PROSER2: variants seen among roughly 807,000 people sequenced by gnomAD.
PROSER2 encodes the protein proline and serine-rich protein 2.
In PROSER2, 18 loss-of-function variants were observed where a neutral mutation model predicts 14.6. The observed-to-expected ratio is 1.23, with a 90% CI of 0.85 to 1.83. The LOEUF is 1.83. Ranked by LOEUF, PROSER2 falls within the 40% of genes most tolerant of loss-of-function variation. PROSER2 has a pLI of 0.00. For missense variants in PROSER2, 823 were observed against 629.8 expected, an observed-to-expected ratio of 1.31 and a Z score of -3.28; for synonymous variants, 367 against 286.4, an observed-to-expected ratio of 1.28 and a Z score of -2.84.
intron 1 of PROSER2, among the ~76,000 whole-genome samples, chr10:11,826,338 T>C (rs1314511057): frequency 6.6e-6 from 1 of 152,204 alleles, no homozygotes; most frequent in African/African-American, 2.4e-5. Context: ...CTATGAACCG[T>C]TGTGTACAAG....
intron 1 of PROSER2, among the ~76,000 whole-genome samples, chr10:11,832,286 G>A (rs986536510): frequency 6.6e-6 from 1 of 152,178 alleles, no homozygotes; most frequent in Non-Finnish European, 1.5e-5. Flanking sequence ...TATAGTCCTC[G>A]TTTGCTTAGG....
Position 11,837,356 on chromosome 10 carries a change from A to T in PROSER2, c.-82+13886A>T, listed in dbSNP as rs1285308919. Reference sequence around the variant, plus strand: ...ACGTTCAAGTTATGACCACTGTGTGACAAGTGCTTAGGGACATTTGTAGGT... The same window carrying T: ...ACGTTCAAGTTATGACCACTGTGTGTCAAGTGCTTAGGGACATTTGTAGGT... On this transcript the variant is annotated intron_variant, in intron 1 of 3. Coordinates refer to ENST00000277570, the MANE Select transcript of PROSER2 (RefSeq NM_153256.4). The surrounding 1 kb of genome is among the most constrained non-coding windows in gnomAD (Gnocchi z 4.6). Among the ~76,000 whole-genome samples the T allele has an allele frequency of 6.6e-6, 1 of 152,246 alleles. No homozygotes were observed. The highest frequency in any genetic ancestry group is 1.5e-5 in the Non-Finnish European group (1 of 68,050).
chr10:11,870,432 C>G lies in PROSER2; in HGVS notation c.*26C>G, dbSNP rs12253600. ...GGGCCGCGCGGGCTCCAGTCCACCC[C>G]GTTTCTCCCCACCCTGAAGAGAGGG... On this transcript the variant is annotated 3_prime_UTR_variant, in exon 4 of 4. Transcript: ENST00000277570. The G allele has an allele frequency of 1.4e-6, 2 of 1,440,474 alleles. No homozygotes were observed. Among genetic ancestry groups the G allele is most frequent in the East Asian group, 5.9e-5 (2 of 34,040 alleles). The allele number at this position is 1,440,474 out of a possible 1,614,324, so 89.2% of individuals were successfully genotyped here.
chr10:11,869,351 G>A lies in PROSER2; in HGVS notation c.392-139G>A, dbSNP rs1050844641. The A allele has an allele frequency of 3.1e-6, 2 of 652,008 alleles. No homozygotes were observed. The highest frequency in any genetic ancestry group is 5.6e-6 in the Non-Finnish European group (2 of 358,766). 40.4% of individuals were successfully genotyped at this position (652,008 alleles called of 1,614,324 possible). On this transcript the variant is annotated intron_variant, in intron 3 of 3. Coordinates refer to ENST00000277570, the MANE Select transcript of PROSER2 (RefSeq NM_153256.4). The surrounding 1 kb of genome is among the most constrained non-coding windows in gnomAD (Gnocchi z 4.4). ...TTCCCTAGTCCCAGGAACAGGGAGAGAGGAGTTGACTCACAGGCAGCACCG... is the reference window on the plus strand; with the variant it reads ...TTCCCTAGTCCCAGGAACAGGGAGAAAGGAGTTGACTCACAGGCAGCACCG...
intron 1 of PROSER2, among the ~76,000 whole-genome samples, chr10:11,825,666 A>G (rs560107769): frequency 1.2e-3 from 176 of 152,344 alleles, no homozygotes; most frequent in South Asian, 2.5e-3. Context: ...GACTGGCAGC[A>G]TTCATCTTGA....
chr10:11,854,028 C>T (rs554896976), intron 2 of PROSER2, among the ~76,000 whole-genome samples: 4 of 152,208 alleles, frequency 2.6e-5, no homozygotes, highest in Admixed American at 6.5e-5. Context: ...ACTCATAGGA[C>T]GCCTATAATT....
intron 2 of PROSER2, among the ~76,000 whole-genome samples, chr10:11,864,592 CT>C (rs533338162): frequency 0.034 from 4,803 of 139,576 alleles, 77 homozygotes; most frequent in Non-Finnish European, 0.052. Context: ...TTTTTTTTTT[CT>C]TTTTTTTTTT....
Position 11,871,846 on chromosome 10 carries a change from C to T in PROSER2, c.*1440C>T, listed in dbSNP as rs775429675. On this transcript the variant is annotated 3_prime_UTR_variant, in exon 4 of 4. Coordinates refer to ENST00000277570, the MANE Select transcript of PROSER2 (RefSeq NM_153256.4). ...TAAATGTGCTATGAAGGGCATTTTT[C>T]ATAGTATCCCATTTGCCTTGTAAGT... 3 of 152,218 alleles carry T rather than the reference C, an allele frequency of 2.0e-5. No individual in the cohort carries two copies. The highest frequency in any genetic ancestry group is 4.4e-5 in the Non-Finnish European group (3 of 68,022). The allele number at this position is 152,218 out of a possible 1,614,324, so 9.4% of individuals were successfully genotyped here.
Position 11,851,980 on chromosome 10 carries a change from G to A in PROSER2, c.-81-17G>A, listed in dbSNP as rs1183720692. The A allele has an allele frequency of 1.1e-5, 14 of 1,288,436 alleles. No individual in the cohort carries two copies. Among genetic ancestry groups the A allele is most frequent in the East Asian group, 2.7e-5 (1 of 37,026 alleles). The allele number at this position is 1,288,436 out of a possible 1,614,324, so 79.8% of individuals were successfully genotyped here. A position where few individuals can be genotyped will look rare whatever the true frequency, so the allele number is the denominator to read the frequency against. ...CTCGGCTTACTGACCATTGTCATTC[G>A]TGTTTGGTGTCTCTAGGAGTGAGCT... On this transcript the variant is annotated splice_polypyrimidine_tract_variant and intron_variant, in intron 1 of 3. Transcript: ENST00000277570.
intron 1 of PROSER2, among the ~76,000 whole-genome samples, chr10:11,826,360 A>T (rs931588733): frequency 5.3e-5 from 8 of 152,040 alleles, no homozygotes; most frequent in African/African-American, 1.9e-4. Flanking sequence ...TTTTGTTTGA[A>T]CACCTGTTGT....
chr10:11,829,660 T>C (rs1295819513), intron 1 of PROSER2, among the ~76,000 whole-genome samples: 1 of 151,912 alleles, frequency 6.6e-6, no homozygotes, highest in Non-Finnish European at 1.5e-5. Context: ...TTAGAGGCGC[T>C]GTACCGTGGT....
At chr10:11,850,163 T>G (rs10906026) in intron 1 of PROSER2, 1 of 152,172 alleles carries the variant, frequency 6.6e-6, no homozygotes. Flanking sequence ...TGGATACAAC[T>G]GACGTCGTAA....
chr10:11,842,399 T>A (rs1833857089), intron 1 of PROSER2, among the ~76,000 whole-genome samples: 1 of 152,166 alleles, frequency 6.6e-6, no homozygotes, highest in Non-Finnish European at 1.5e-5. Flanking sequence ...ATCTTTCATT[T>A]ATCCCCTCCT....
chr10:11,854,050 A>G (rs1834078664), intron 2 of PROSER2, among the ~76,000 whole-genome samples: 1 of 152,178 alleles, frequency 6.6e-6, no homozygotes, highest in Admixed American at 6.5e-5. Flanking sequence ...AGTTACGTCT[A>G]CATGGTGTGT....
rs919613660 is a variant in PROSER2 at position 11,862,836 on chromosome 10, AAGCTC to A, written c.139-3693_139-3689del. 182 of 152,324 alleles carry A rather than the reference AAGCTC, an allele frequency of 1.2e-3. 2 individuals are homozygous for A. The highest frequency in any genetic ancestry group is 0.012 in the Admixed American group (179 of 15,302). The allele number at this position is 152,324 out of a possible 1,614,324, so 9.4% of individuals were successfully genotyped here. On this transcript the variant is annotated intron_variant, in intron 2 of 3. Coordinates refer to ENST00000277570, the MANE Select transcript of PROSER2 (RefSeq NM_153256.4). This position sits in a 1 kb window ranked among gnomAD's most constrained non-coding sequence, Gnocchi z 4.2. ...ACTCACCTGTATTATGGAGAAAAAA[AAGCTC>A]AACATCATTAGTCTTCGTGGAAATG...
chr10:11,834,830 C>T (rs1230418195), intron 1 of PROSER2, among the ~76,000 whole-genome samples: 1 of 151,782 alleles, frequency 6.6e-6, no homozygotes, highest in East Asian at 2.0e-4. Context: ...AGGCTGGGCG[C>T]AGTGGCTCAC....
intron 1 of PROSER2, among the ~76,000 whole-genome samples, chr10:11,840,788 G>C (rs1833825849): frequency 6.6e-6 from 1 of 151,332 alleles, no homozygotes. Flanking sequence ...AGCTGGGCGT[G>C]GTGGCTCATG....
intron 2 of PROSER2, among the ~76,000 whole-genome samples, chr10:11,859,743 C>T (rs1054794034): frequency 1.3e-5 from 2 of 152,212 alleles, no homozygotes. Flanking sequence ...TATCGGGATA[C>T]AAGTCACATA....
chr10:11,868,728 G>GCAAC (rs2131097159), intron 3 of PROSER2, among the ~76,000 whole-genome samples: 1 of 152,272 alleles, frequency 6.6e-6, no homozygotes, highest in Admixed American at 6.5e-5. Flanking sequence ...TCAGCTCACT[G>GCAAC]CAACCTCCAC....
Sources: gnomAD v4.1 joint callset for allele counts (sites outside exome capture counted in the v4.1 genomes callset) on GRCh38, gnomAD v4.1.1 for gene constraint, Gnocchi (gnomAD v3.1) non-coding constraint, MANE v1.5 for transcripts, NCBI Gene and HGNC (gene_info 2026-07-23, HGNC 2026-07-21) for gene names.